Variants in RBPJ observed in about 807,000 individuals in gnomAD.
The protein encoded by RBPJ is recombining binding protein suppressor of hairless.
Under a neutral mutation model 67.8 loss-of-function variants are expected in RBPJ, and 9 were observed. The observed-to-expected ratio is 0.13, with a 90% CI of 0.08 to 0.23. The LOEUF is 0.23. Ranked by LOEUF, RBPJ falls within the 10% of genes least tolerant of loss-of-function variation. The pLI, the probability that RBPJ is intolerant of heterozygous loss-of-function variation, is 1.00. For synonymous variants in RBPJ, 198 were observed against 203.3 expected (o/e 0.97, Z 0.22); for missense variants, 305 against 595.6 (o/e 0.51, Z 5.08).
chr4:26,264,892 A>G lies in RBPJ; in HGVS notation c.-166-97554A>G, dbSNP rs1219133902. On this transcript the variant is annotated intron_variant, in intron 1 of 4. Transcript: ENST00000512351. The surrounding 1 kb of genome is among the most constrained non-coding windows in gnomAD (Gnocchi z 4.1). ...GTTCAAGTCTCCTAAACAAACTGAC[A>G]ATAGACAGATTAATAGGAGAAAAGG... is the stretch of plus-strand genomic sequence containing the variant. Among the ~76,000 whole-genome samples, 2 of 152,200 alleles carry G rather than the reference A, an allele frequency of 1.3e-5. No homozygotes were observed.
At chr4:26,234,922 A>C (rs1719407675) in intron 1 of RBPJ, among the ~76,000 whole-genome samples, 1 of 152,020 alleles carries the variant, frequency 6.6e-6, no homozygotes, top group South Asian at 2.1e-4. Context: ...CGAACTCCTG[A>C]CCTCAAGTGA....
intron 1 of RBPJ, among the ~76,000 whole-genome samples, chr4:26,203,084 A>C (rs569019590): frequency 6.6e-6 from 1 of 152,338 alleles, no homozygotes; most frequent in Admixed American, 6.5e-5. Context: ...AACCCTATCT[A>C]GTCCAAGTCA....
chr4:26,363,959 A>G (rs1728345450), intron 1 of RBPJ, among the ~76,000 whole-genome samples: 1 of 152,182 alleles, frequency 6.6e-6, no homozygotes, highest in Non-Finnish European at 1.5e-5. Context: ...ATTATATGAA[A>G]TCTTGGAAAC....
At chr4:26,215,028 GAAAA>G (rs1252819271) in intron 1 of RBPJ, among the ~76,000 whole-genome samples, 1 of 65,416 alleles carries the variant, frequency 1.5e-5, no homozygotes, top group Non-Finnish European at 3.1e-5. Context: ...AAGAAAGAAA[GAAAA>G]GAAAGAGGGA....
At chr4:26,258,988 G>A (rs1275434915) in intron 1 of RBPJ, among the ~76,000 whole-genome samples, 1 of 152,014 alleles carries the variant, frequency 6.6e-6, no homozygotes, top group Admixed American at 6.6e-5. Context: ...TATTTCAGTA[G>A]AGATGGGGTT....
chr4:26,148,239 G>A, the RBPJ span, among the ~76,000 whole-genome samples: 1 of 133,042 alleles, frequency 7.5e-6, no homozygotes, highest in East Asian at 2.3e-4. Context: ...ACTGTGAGAT[G>A]AACTACTTAA....
At chr4:26,288,674 A>G (rs947054760) in intron 1 of RBPJ, among the ~76,000 whole-genome samples, 9 of 152,256 alleles carry the variant, frequency 5.9e-5, no homozygotes, top group Non-Finnish European at 2.9e-5. Flanking sequence ...CGTATTCTTT[A>G]AACTAGAGTG....
the RBPJ span, among the ~76,000 whole-genome samples, chr4:26,111,462 A>G: frequency 6.6e-6 from 1 of 152,232 alleles, no homozygotes; most frequent in Non-Finnish European, 1.5e-5. Context: ...TCTATAGCCC[A>G]GGCAGGGCTG....
At chr4:26,305,777 T>TC (rs1722216947) in intron 1 of RBPJ, among the ~76,000 whole-genome samples, 1 of 128,750 alleles carries the variant, frequency 7.8e-6, no homozygotes, top group Non-Finnish European at 1.6e-5. Context: ...TTTTCTTTTT[T>TC]TTTTTTTTTT....
At chr4:26,243,330 A>G (rs1719714161) in intron 1 of RBPJ, among the ~76,000 whole-genome samples, 1 of 152,240 alleles carries the variant, frequency 6.6e-6, no homozygotes, top group South Asian at 2.1e-4. Context: ...TTCTTAAAAA[A>G]TAAATGAAGT....
chr4:26,135,540 A>C, the RBPJ span, among the ~76,000 whole-genome samples: 2 of 151,884 alleles, frequency 1.3e-5, no homozygotes, highest in African/African-American at 4.8e-5. Context: ...AAATCCTGCA[A>C]GCAGAAGAGC....
At chr4:26,165,351 G>GT (rs1716232907) in intron 1 of RBPJ, among the ~76,000 whole-genome samples, 2 of 152,202 alleles carry the variant, frequency 1.3e-5, no homozygotes, top group South Asian at 4.1e-4. Flanking sequence ...CCTATATACT[G>GT]TTTTGTTGAA....
At chr4:26,146,223 A>G in the RBPJ span, among the ~76,000 whole-genome samples, 4 of 152,210 alleles carry the variant, frequency 2.6e-5, no homozygotes, top group African/African-American at 9.6e-5. Context: ...CTGAGATTAC[A>G]GGCATGAGCC....
At chr4:26,280,231 C>T (rs1004352470) in intron 1 of RBPJ, among the ~76,000 whole-genome samples, 1 of 151,734 alleles carries the variant, frequency 6.6e-6, no homozygotes, top group Non-Finnish European at 1.5e-5. Flanking sequence ...CCCAACTCTA[C>T]TAAAAATACA....
intron 1 of RBPJ, among the ~76,000 whole-genome samples, chr4:26,337,502 C>G (rs1446566350): frequency 6.6e-6 from 1 of 151,520 alleles, no homozygotes; most frequent in Non-Finnish European, 1.5e-5. Flanking sequence ...CCCATGCTTA[C>G]TGGCTGCTTT....
Position 26,283,817 on chromosome 4 carries a change from C to T in RBPJ, c.-166-78629C>T, listed in dbSNP as rs558937455. On this transcript the variant is annotated intron_variant, in intron 1 of 4. Transcript: ENST00000512351. ...ATGTGTCACCATGCCTAGCTAATTT[C>T]GTACTTTTAGTAGAGACAGAGTTTC... 5.3e-5 allele frequency among the ~76,000 whole-genome samples: 8 copies of T among 152,052 alleles called. No individual in the cohort carries two copies. In the South Asian group the frequency reaches 1.7e-3, roughly 32 times the overall value.
At chr4:26,292,702 G>A (rs1577395939) in intron 1 of RBPJ, among the ~76,000 whole-genome samples, 3 of 150,646 alleles carry the variant, frequency 2.0e-5, no homozygotes, top group Admixed American at 6.6e-5. Context: ...GATTACAGGT[G>A]CGAGCCACTG....
intron 1 of RBPJ, among the ~76,000 whole-genome samples, chr4:26,215,951 C>G (rs1256869112): frequency 6.6e-6 from 1 of 152,172 alleles, no homozygotes; most frequent in Non-Finnish European, 1.5e-5. Flanking sequence ...CTTAAAACAA[C>G]AGAAATTTAC....
chr4:26,413,076 A>G (rs1363529643), intron 3 of RBPJ: 1 of 152,366 alleles, frequency 6.6e-6, no homozygotes, highest in African/African-American at 2.4e-5. Flanking sequence ...CCTCAGTTAA[A>G]TCCGTAGGGC....
Sources: allele counts gnomAD v4.1 joint callset (sites outside exome capture counted in the v4.1 genomes callset), GRCh38; gene constraint gnomAD v4.1.1; non-coding constraint Gnocchi (gnomAD v3.1); transcripts MANE v1.5; gene names NCBI Gene and HGNC (gene_info 2026-07-23, HGNC 2026-07-21).